GABRB1: variants seen among roughly 807,000 people sequenced by gnomAD.
GABRB1 encodes the protein gamma-aminobutyric acid receptor subunit beta-1.
GABRB1 carries 17 observed loss-of-function variants against 51.6 expected under a neutral mutation model. The ratio of observed to expected loss-of-function variants is 0.33; its 90% CI spans 0.23 to 0.49. GABRB1 has a LOEUF of 0.49. Ranked by LOEUF, GABRB1 falls within the 20% of genes least tolerant of loss-of-function variation. The probability of loss-of-function intolerance (pLI) is 0.99; values close to 1 mark genes in which losing one functional copy is unlikely to be tolerated. For missense variants in GABRB1, 410 were observed against 600.6 expected (o/e 0.68, Z 3.32); for synonymous variants, 247 against 218.9 (o/e 1.13, Z -1.14).
chr4:47,413,208 C>A (rs1013085583), intron 8 of GABRB1, among the ~76,000 whole-genome samples: 15 of 152,220 alleles, frequency 9.9e-5, no homozygotes, highest in African/African-American at 3.6e-4. Context: ...CCGCCGAGGT[C>A]TCTGTTGCCC....
chr4:47,096,883 C>G (rs964046485), intron 3 of GABRB1, among the ~76,000 whole-genome samples: 5 of 152,296 alleles, frequency 3.3e-5, no homozygotes, highest in African/African-American at 1.2e-4. Context: ...GAAAGGAGCA[C>G]AGCCCTGCAC....
chr4:47,165,851 A>T (rs1718159798), intron 4 of GABRB1, among the ~76,000 whole-genome samples: 1 of 152,116 alleles, frequency 6.6e-6, no homozygotes, highest in African/African-American at 2.4e-5. Flanking sequence ...CTCCTTTCCC[A>T]AGTGCTAATG....
intron 4 of GABRB1, among the ~76,000 whole-genome samples, chr4:47,255,275 A>G (rs1722155324): frequency 6.6e-6 from 1 of 152,236 alleles, no homozygotes; most frequent in Non-Finnish European, 1.5e-5. Context: ...AGATGTAGTT[A>G]TTCATCATTG....
chr4:47,230,951 T>C (rs1721120813), intron 4 of GABRB1, among the ~76,000 whole-genome samples: 1 of 152,056 alleles, frequency 6.6e-6, no homozygotes, highest in South Asian at 2.1e-4. Flanking sequence ...CATTTGAGGG[T>C]CTTGCAGTTC....
intron 3 of GABRB1, among the ~76,000 whole-genome samples, chr4:47,139,391 A>G (rs1340616279): frequency 6.6e-6 from 1 of 152,066 alleles, no homozygotes; most frequent in Non-Finnish European, 1.5e-5. Context: ...AAGTTAAAAT[A>G]TTTATTCACC....
chr4:47,354,740 G>A (rs1726486238), intron 5 of GABRB1, among the ~76,000 whole-genome samples: 1 of 151,948 alleles, frequency 6.6e-6, no homozygotes, highest in Non-Finnish European at 1.5e-5. Context: ...CAATGATTTT[G>A]TGTTAGAAAG....
chr4:47,240,248 G>A (rs533386517), intron 4 of GABRB1, among the ~76,000 whole-genome samples: 34 of 152,064 alleles, frequency 2.2e-4, no homozygotes, highest in Non-Finnish European at 3.8e-4. Flanking sequence ...AAGGAGCAAG[G>A]GAATAAAAGG....
At chr4:47,150,306 T>C (rs1442148252) in intron 3 of GABRB1, among the ~76,000 whole-genome samples, 1 of 86,870 alleles carries the variant, frequency 1.2e-5, no homozygotes, top group Non-Finnish European at 2.2e-5. Flanking sequence ...GATATGAGAA[T>C]CCATCACACA....
intron 4 of GABRB1, among the ~76,000 whole-genome samples, chr4:47,248,722 G>C (rs903746074): frequency 6.6e-6 from 1 of 151,946 alleles, no homozygotes; most frequent in Non-Finnish European, 1.5e-5. Flanking sequence ...AATTTTCCCT[G>C]ATTTGAGCTA....
chr4:47,183,472 C>A lies in GABRB1; in HGVS notation c.461+22003C>A, dbSNP rs1219801295. 3.3e-5 allele frequency among the ~76,000 whole-genome samples: 5 copies of A among 150,890 alleles called. No individual in the cohort carries two copies. In the Admixed American group the frequency reaches 3.3e-4, roughly 10 times the overall value. On this transcript the variant is annotated intron_variant, in intron 4 of 8. Coordinates refer to ENST00000295454, the MANE Select transcript of GABRB1 (RefSeq NM_000812.4). The stretch of plus-strand genomic sequence containing the variant: ...TCTTGATTCATATTTGGTACTTCCA[C>A]ACTTAATTTAAGATAGCCAGCACCC...
chr4:47,049,367 A>C (rs374160453), intron 3 of GABRB1, among the ~76,000 whole-genome samples: 2 of 152,194 alleles, frequency 1.3e-5, no homozygotes, highest in African/African-American at 4.8e-5. Flanking sequence ...GAAGCATGCC[A>C]ACTGTTTCTT....
chr4:46,994,508 G>C (rs12499014), intron 1 of GABRB1: 1 of 128,146 alleles, frequency 7.8e-6, no homozygotes, highest in African/African-American at 2.9e-5. Flanking sequence ...GAGAGACAGA[G>C]AGAGACAGAG....
At chr4:47,073,796 C>T (rs1041784586) in intron 3 of GABRB1, among the ~76,000 whole-genome samples, 4 of 152,074 alleles carry the variant, frequency 2.6e-5, no homozygotes, top group African/African-American at 7.2e-5. Context: ...AGGCCCTATG[C>T]CACAGAGATG....
At chr4:47,007,866 G>GTTATATATATATATATATATATATA (rs1476319173) in intron 1 of GABRB1, among the ~76,000 whole-genome samples, 6 of 49,968 alleles carry the variant, frequency 1.2e-4, no homozygotes, top group African/African-American at 4.7e-4. Context: ...CTTGGAACTG[G>GTTATATATATATATATATATATATA]TATATATATA....
At chr4:47,155,936 T>TATATATATATATATATATATATAC (rs1717679418) in intron 3 of GABRB1, among the ~76,000 whole-genome samples, 2 of 123,060 alleles carry the variant, frequency 1.6e-5, no homozygotes, top group Admixed American at 7.7e-5. Context: ...TATATATATA[T>TATATATATATATATATATATATAC]ATATATATAT....
intron 4 of GABRB1, among the ~76,000 whole-genome samples, chr4:47,248,416 T>C (rs922771397): frequency 2.0e-5 from 3 of 152,140 alleles, no homozygotes; most frequent in Admixed American, 2.0e-4. Flanking sequence ...TTGGATTCAG[T>C]TAGATAGTAT....
At chr4:47,313,530 T>C (rs1332418127) in intron 4 of GABRB1, among the ~76,000 whole-genome samples, 1 of 152,102 alleles carries the variant, frequency 6.6e-6, no homozygotes, top group Non-Finnish European at 1.5e-5. Flanking sequence ...TTAGAGATAC[T>C]CATTGTTGCT....
At chr4:47,373,359 T>C (rs983554829) in intron 5 of GABRB1, among the ~76,000 whole-genome samples, 6 of 152,194 alleles carry the variant, frequency 3.9e-5, no homozygotes, top group African/African-American at 7.2e-5. Flanking sequence ...TCATCACACA[T>C]GTTTGTAGTT....
intron 4 of GABRB1, among the ~76,000 whole-genome samples, chr4:47,295,295 C>T (rs144130531): frequency 0.017 from 2,642 of 152,070 alleles, 95 homozygotes; most frequent in African/African-American, 0.06. Context: ...AGGCTTCAGA[C>T]GATCAAACTA....
Sources: gnomAD v4.1 joint callset for allele counts (sites outside exome capture counted in the v4.1 genomes callset) on GRCh38, gnomAD v4.1.1 for gene constraint, MANE v1.5 for transcripts, NCBI Gene and HGNC (gene_info 2026-07-23, HGNC 2026-07-21) for gene names.